The following CLSTN2 variants were observed in gnomAD, a reference collection of about 807,000 sequenced individuals.
CLSTN2 encodes the protein calsyntenin 2, also known as calsyntenin-2.
Under a neutral mutation model 101.2 loss-of-function variants are expected in CLSTN2, and 48 were observed. The observed-to-expected ratio is 0.47, with a 90% CI of 0.38 to 0.60. The LOEUF is 0.60. Among genes scored for constraint, CLSTN2 ranks in the 20% least tolerant of loss-of-function variants. The pLI is 0.00. For missense variants in CLSTN2, 1,160 were observed against 1,238.2 expected (o/e 0.94, Z 0.95); for synonymous variants, 481 against 463.6 (o/e 1.04, Z -0.48).
chr3:140,200,388 C>T (rs111820317), intron 2 of CLSTN2, among the ~76,000 whole-genome samples: 216 of 152,228 alleles, frequency 1.4e-3, no homozygotes, highest in African/African-American at 4.6e-3. Flanking sequence ...TTAGACTCCA[C>T]GTAATGACCG....
intron 1 of CLSTN2, among the ~76,000 whole-genome samples, chr3:140,046,520 G>A (rs1004117851): frequency 6.6e-6 from 1 of 152,100 alleles, no homozygotes; most frequent in Non-Finnish European, 1.5e-5. Context: ...TACATTTAAG[G>A]TTAATATTGT....
intron 8 of CLSTN2, chr3:140,507,190 T>A (rs1469059782): frequency 6.6e-6 from 1 of 152,214 alleles, no homozygotes; most frequent in African/African-American, 2.4e-5. Flanking sequence ...TAACACCTAC[T>A]CCTTTTAGCA....
At chr3:140,194,785 G>C (rs1468723767) in intron 2 of CLSTN2, among the ~76,000 whole-genome samples, 2 of 152,320 alleles carry the variant, frequency 1.3e-5, no homozygotes, top group East Asian at 3.9e-4. Flanking sequence ...AAGAGTGGAA[G>C]TTCCAGCTTC....
chr3:140,256,279 T>C (rs2086603451), intron 2 of CLSTN2, among the ~76,000 whole-genome samples: 1 of 152,202 alleles, frequency 6.6e-6, no homozygotes, highest in East Asian at 1.9e-4. Context: ...ATTTAGACAT[T>C]AAACTACCTT....
intron 2 of CLSTN2, among the ~76,000 whole-genome samples, chr3:140,381,842 C>G (rs958391485): frequency 6.6e-6 from 1 of 152,226 alleles, no homozygotes; most frequent in African/African-American, 2.4e-5. Flanking sequence ...CAGAGGTCAT[C>G]TTTGCCATGA....
At chr3:140,470,341 T>C (rs1481445491) in intron 8 of CLSTN2, among the ~76,000 whole-genome samples, 1 of 152,214 alleles carries the variant, frequency 6.6e-6, no homozygotes, top group East Asian at 1.9e-4. Context: ...TGGGGCCGGA[T>C]CAGGGGAGTC....
At chr3:140,446,023 G>GAAAA (rs57693059) in intron 5 of CLSTN2, among the ~76,000 whole-genome samples, 1 of 151,874 alleles carries the variant, frequency 6.6e-6, no homozygotes, top group Non-Finnish European at 1.5e-5. Flanking sequence ...GATAGTGATA[G>GAAAA]GGAACCCCAA....
chr3:139,994,275 C>T (rs1185473801), intron 1 of CLSTN2, among the ~76,000 whole-genome samples: 1 of 152,212 alleles, frequency 6.6e-6, no homozygotes, highest in Non-Finnish European at 1.5e-5. Context: ...TACCTAGCCA[C>T]ATTTTTGAGT....
chr3:140,265,084 C>T (rs2086683847), intron 2 of CLSTN2, among the ~76,000 whole-genome samples: 1 of 152,122 alleles, frequency 6.6e-6, no homozygotes, highest in Non-Finnish European at 1.5e-5. Flanking sequence ...CGAGGAGGTA[C>T]TATTACTGTT....
intron 2 of CLSTN2, among the ~76,000 whole-genome samples, chr3:140,206,852 G>T (rs1325079773): frequency 6.6e-6 from 1 of 152,152 alleles, no homozygotes; most frequent in Non-Finnish European, 1.5e-5. Flanking sequence ...AAAATGCCCA[G>T]TAGCCAATAG....
At chr3:139,943,075 T>C (rs570876687) in intron 1 of CLSTN2, among the ~76,000 whole-genome samples, 1 of 152,132 alleles carries the variant, frequency 6.6e-6, no homozygotes, top group Non-Finnish European at 1.5e-5. Flanking sequence ...GCCCCATATG[T>C]CCCAAACTAA....
intron 2 of CLSTN2, among the ~76,000 whole-genome samples, chr3:140,335,100 G>A (rs1340310042): frequency 6.6e-6 from 1 of 152,154 alleles, no homozygotes; most frequent in African/African-American, 2.4e-5. Context: ...TGCCTTGGTG[G>A]GGCCTCAAAA....
intron 5 of CLSTN2, among the ~76,000 whole-genome samples, chr3:140,425,794 T>C (rs1478883081): frequency 6.6e-6 from 1 of 152,236 alleles, no homozygotes; most frequent in East Asian, 1.9e-4. Flanking sequence ...TTCTGAGGTT[T>C]TAACTCTGAA....
intron 2 of CLSTN2, among the ~76,000 whole-genome samples, chr3:140,281,166 T>C (rs554814745): frequency 2.3e-4 from 35 of 152,174 alleles, no homozygotes; most frequent in Non-Finnish European, 4.7e-4. Flanking sequence ...TATTAAAATC[T>C]CATTCAAAGC....
intron 6 of CLSTN2, among the ~76,000 whole-genome samples, chr3:140,455,940 G>A (rs373612358): frequency 2.9e-4 from 44 of 152,310 alleles, no homozygotes; most frequent in African/African-American, 1.0e-3. Flanking sequence ...CCCTCAGCAG[G>A]GAAGACAAAA....
intron 10 of CLSTN2, among the ~76,000 whole-genome samples, chr3:140,554,977 G>A (rs1378411108): frequency 1.3e-5 from 2 of 152,172 alleles, no homozygotes; most frequent in Non-Finnish European, 2.9e-5. Flanking sequence ...ATAACTGTCA[G>A]GATAAGCTAA....
intron 1 of CLSTN2, among the ~76,000 whole-genome samples, chr3:140,102,819 A>T (rs1237078718): frequency 6.6e-6 from 1 of 152,190 alleles, no homozygotes; most frequent in African/African-American, 2.4e-5. Context: ...AGAGCACTGA[A>T]GTCAGACAGG....
intron 1 of CLSTN2, among the ~76,000 whole-genome samples, chr3:140,117,973 T>C (rs1455848304): frequency 6.6e-6 from 1 of 152,214 alleles, no homozygotes; most frequent in African/African-American, 2.4e-5. Context: ...CAAATTTATA[T>C]GTTGAAGCCC....
chr3:140,248,067 A>G (rs2086531551), intron 2 of CLSTN2, among the ~76,000 whole-genome samples: 1 of 152,178 alleles, frequency 6.6e-6, no homozygotes, highest in South Asian at 2.1e-4. Context: ...GCTGCCTCCC[A>G]GGCATCCAAG....
Sources: allele counts gnomAD v4.1 joint callset (sites outside exome capture counted in the v4.1 genomes callset), GRCh38; gene constraint gnomAD v4.1.1; transcripts MANE v1.5; gene names NCBI Gene and HGNC (gene_info 2026-07-23, HGNC 2026-07-21).